The following GARIN4 variants were observed in gnomAD, a reference collection of about 807,000 sequenced individuals.
The protein encoded by GARIN4 is golgi associated RAB2 interactor family member 4, also known as Golgi-associated RAB2 interactor protein 4.
the GARIN4 span, chr1:212,625,794 G>T: frequency 6.2e-7 from 1 of 1,614,188 alleles, no homozygotes; most frequent in South Asian, 1.1e-5. Context: ...TCTGCCCCTG[G>T]ACAGGTGAGC....
chr1:212,625,752 T>G, the GARIN4 span: 1 of 1,613,900 alleles, frequency 6.2e-7, no homozygotes, highest in Non-Finnish European at 8.5e-7. Flanking sequence ...ACAGGCACCG[T>G]AGCAGGTGCC....
At chr1:212,626,580 C>T in the GARIN4 span, 4 of 1,614,134 alleles carry the variant, frequency 2.5e-6, no homozygotes, top group Non-Finnish European at 3.4e-6. Flanking sequence ...ATCGCCGAGA[C>T]AGCAGAGGGT....
chr1:212,624,909 C>T, the GARIN4 span: 7,591 of 1,606,582 alleles, frequency 4.7e-3, 333 homozygotes, highest in Admixed American at 0.094. Context: ...CCGTATTATA[C>T]GGCCCAGAGT....
At chr1:212,626,028 A>AAGCAGACATGGATGCAGC in the GARIN4 span, 3 of 1,614,240 alleles carry the variant, frequency 1.9e-6, no homozygotes, top group South Asian at 2.2e-5. Flanking sequence ...ACAGCTGCAG[A>AAGCAGACATGGATGCAGC]AGCAGACATG....
the GARIN4 span, chr1:212,626,655 C>A: frequency 1.3e-6 from 2 of 1,596,830 alleles, no homozygotes; most frequent in Admixed American, 3.5e-5. Context: ...ACCTTTGAAG[C>A]CCATTAAATA....
chr1:212,624,808 T>A, the GARIN4 span: 2 of 1,462,684 alleles, frequency 1.4e-6, no homozygotes, highest in African/African-American at 2.9e-5. Flanking sequence ...TGGTCCCTCA[T>A]CTGCCACCGA....
At chr1:212,626,292 A>G in the GARIN4 span, 1 of 1,614,240 alleles carries the variant, frequency 6.2e-7, no homozygotes, top group Non-Finnish European at 8.5e-7. Flanking sequence ...AATAGAGATG[A>G]CAAAAAGGAG....
chr1:212,626,419 C>T, the GARIN4 span: 21 of 1,614,066 alleles, frequency 1.3e-5, no homozygotes, highest in Middle Eastern at 2.6e-3. Context: ...GCTTATGGAC[C>T]ACCAGTTCCG....
the GARIN4 span, chr1:212,626,282 A>G: frequency 6.2e-7 from 1 of 1,614,218 alleles, no homozygotes. Flanking sequence ...CCACAGAGCC[A>G]ATAGAGATGA....
the GARIN4 span, chr1:212,625,955 A>C: frequency 6.2e-7 from 1 of 1,614,266 alleles, no homozygotes; most frequent in Non-Finnish European, 8.5e-7. Context: ...CAGCGCATCC[A>C]TGAGCCTTTC....
At chr1:212,626,329 CA>C in the GARIN4 span, 1 of 1,614,226 alleles carries the variant, frequency 6.2e-7, no homozygotes, top group African/African-American at 1.3e-5. Context: ...CGGGGAGCAG[CA>C]GGCACAGGGA....
the GARIN4 span, chr1:212,625,346 C>T: frequency 6.2e-7 from 1 of 1,614,254 alleles, no homozygotes. Flanking sequence ...GTGTCCCGCT[C>T]TTGACACACG....
At chr1:212,625,000 G>C in the GARIN4 span, 1 of 1,614,198 alleles carries the variant, frequency 6.2e-7, no homozygotes, top group Admixed American at 1.7e-5. Flanking sequence ...ATATATTCAA[G>C]TATGCACCGA....
At chr1:212,625,168 G>A in the GARIN4 span, 1 of 1,614,172 alleles carries the variant, frequency 6.2e-7, no homozygotes, top group Non-Finnish European at 8.5e-7. Flanking sequence ...GCTGCGAAGA[G>A]TATGCTGGAC....
the GARIN4 span, chr1:212,626,731 C>CAG: frequency 2.0e-6 from 3 of 1,522,302 alleles, no homozygotes; most frequent in Non-Finnish European, 2.6e-6. Flanking sequence ...AAGCCTATTC[C>CAG]AGCGTTCTTT....
At chr1:212,625,033 G>C in the GARIN4 span, 8 of 1,614,158 alleles carry the variant, frequency 5.0e-6, no homozygotes, top group Admixed American at 1.2e-4. Context: ...ACTTTATCCA[G>C]ATCACCAAAA....
chr1:212,625,913 G>C, the GARIN4 span: 3 of 1,614,206 alleles, frequency 1.9e-6, no homozygotes, highest in Non-Finnish European at 2.5e-6. Context: ...GGCTGTGGCA[G>C]GGGCTGCAGG....
chr1:212,626,051 G>A, the GARIN4 span: 2 of 1,614,104 alleles, frequency 1.2e-6, no homozygotes, highest in African/African-American at 2.7e-5. Context: ...TGCAGCAGCG[G>A]GACCTCCCGT....
chr1:212,625,940 G>A, the GARIN4 span: 3 of 1,614,116 alleles, frequency 1.9e-6, no homozygotes, highest in Non-Finnish European at 2.5e-6. Flanking sequence ...CTCAGAGCAT[G>A]TTTCCAGCGC....
Sources: gnomAD v4.1 joint callset for allele counts on GRCh38, gnomAD v4.1.1 for gene constraint, MANE v1.5 for transcripts, NCBI Gene and HGNC (gene_info 2026-07-23, HGNC 2026-07-21) for gene names.